Variants in ARL10 observed in about 807,000 individuals in gnomAD.
ARL10 encodes the protein ADP-ribosylation factor-like protein 10.
Under a neutral mutation model 26.1 loss-of-function variants are expected in ARL10, and 23 were observed. The ratio of observed to expected loss-of-function variants is 0.88; its 90% CI spans 0.63 to 1.25. ARL10 has a LOEUF of 1.25. Among genes scored for constraint, ARL10 ranks in the 50% most tolerant of loss-of-function variants. The pLI, the probability that ARL10 is intolerant of heterozygous loss-of-function variation, is 0.00. For missense variants in ARL10, 300 were observed against 323.6 expected, an observed-to-expected ratio of 0.93 and a Z score of 0.56; for synonymous variants, 138 against 149.1, an observed-to-expected ratio of 0.93 and a Z score of 0.54.
Position 176,365,747 on chromosome 5 carries a change from G to T in ARL10, c.183+1G>T. 8.1e-7 allele frequency: 1 copy of T among 1,235,824 alleles called. No individual in the cohort carries two copies. The highest frequency in any genetic ancestry group is 3.2e-5 in the East Asian group (1 of 31,628). 76.6% of individuals were successfully genotyped at this position (1,235,824 alleles called of 1,614,324 possible). A position where few individuals can be genotyped will look rare whatever the true frequency, so the allele number is the denominator to read the frequency against. On this transcript the variant is annotated splice_donor_variant, in intron 1 of 3. Transcript: ENST00000310389. LOFTEE classifies it high-confidence loss of function. ...CCTCCCCGAGTGGGACGAGTGGGACGTGAGTGCCGGGCCGAGGCCTGCGGA... is the reference window on the plus strand; with the variant it reads ...CCTCCCCGAGTGGGACGAGTGGGACTTGAGTGCCGGGCCGAGGCCTGCGGA...
chr5:176,371,729 G>A lies in ARL10; in HGVS notation c.569G>A (p.Ser190Asn). Reference protein sequence around the residue: ...VVVVANKQDLSEAMSMGELQR... With the variant: ...VVVVANKQDLNEAMSMGELQR... ...CTTCTGTGTCTCACCCAGGACCTGA[G>A]CGAGGCCATGAGTATGGGGGAGCTG... The change falls in exon 4 of 4, where the codon AGC (serine) becomes AAC (asparagine). Residue 190 changes from serine to asparagine, a missense_variant. Physicochemically the swap from Ser to Asn is conservative, Grantham distance 46. Transcript: ENST00000310389. 1 of 1,614,152 alleles carries A rather than the reference G, an allele frequency of 6.2e-7. No individual in the cohort carries two copies. Among genetic ancestry groups the A allele is most frequent in the Non-Finnish European group, 8.5e-7 (1 of 1,179,992 alleles).
Position 176,368,970 on chromosome 5 carries a change from G to A in ARL10, c.549G>A (p.Val183=). 1 of 1,613,994 alleles carries A rather than the reference G, an allele frequency of 6.2e-7. No individual in the cohort carries two copies. Among genetic ancestry groups the A allele is most frequent in the Non-Finnish European group, 8.5e-7 (1 of 1,180,012 alleles). Residue 183 remains valine, a synonymous_variant, in exon 3 of 4, where the codon GTG becomes GTA. Coordinates refer to ENST00000310389, the MANE Select transcript of ARL10 (RefSeq NM_173664.6). The surrounding 1 kb of genome is among the most constrained non-coding windows in gnomAD (Gnocchi z 4.1). The part of the protein sequence containing the change: ...DKDPDLPVVV[V]ANKQDLSEAM... ...ACCCTGACCTGCCTGTCGTCGTGGT[G>A]GCCAACAAGCAGGTGAGGGCTGTGA...
downstream of ARL10, chr5:176,389,710 TCTCCCCTCCA>T: frequency 2.0e-6 from 1 of 489,924 alleles, no homozygotes; most frequent in Non-Finnish European, 3.6e-6. Context: ...TTGTGCCACA[TCTCCCCTCCA>T]CTCCCCTGCT....
chr5:176,386,808 G>A (rs1324251905), downstream of ARL10: 2 of 1,594,466 alleles, frequency 1.3e-6, no homozygotes, highest in Non-Finnish European at 8.6e-7. Context: ...GTGCAGGACA[G>A]TGACCTAAAG....
rs1768393881 is a variant in ARL10, at chr5:176,368,249, G to A, written c.386-558G>A. On this transcript the variant is annotated intron_variant, in intron 2 of 3. Transcript: ENST00000310389. This position sits in a 1 kb window ranked among gnomAD's most constrained non-coding sequence, Gnocchi z 4.1. ...TCCAAGGGAAAAGAAGGGGATGGGGGAAACTGAATGGAGAATGGCTGTGTA... is the reference window on the plus strand; with the variant it reads ...TCCAAGGGAAAAGAAGGGGATGGGGAAAACTGAATGGAGAATGGCTGTGTA... 1.3e-5 allele frequency among the ~76,000 whole-genome samples: 2 copies of A among 152,182 alleles called. No individual in the cohort carries two copies. Among genetic ancestry groups the A allele is most frequent in the South Asian group, 2.1e-4 (1 of 4,836 alleles).
intron 1 of ARL10, among the ~76,000 whole-genome samples, chr5:176,400,974 C>T (rs1271067689): frequency 6.6e-6 from 1 of 152,128 alleles, no homozygotes; most frequent in Non-Finnish European, 1.5e-5. Context: ...AAGGGCAGGC[C>T]AGGGCAGGCC....
chr5:176,410,226 C>T, the ARL10 span: 4 of 1,609,200 alleles, frequency 2.5e-6, no homozygotes, highest in Non-Finnish European at 3.4e-6. Flanking sequence ...GCTGTTGGTC[C>T]TTACCACTGC....
At chr5:176,391,347 T>A (rs1440939921), downstream of ARL10, among the ~76,000 whole-genome samples, 1 of 152,224 alleles carries the variant, frequency 6.6e-6, no homozygotes, top group Non-Finnish European at 1.5e-5. Flanking sequence ...GGTGCTATGG[T>A]TCATCCCTGT....
In ARL10 at chr5:176,375,171, CCCACCCACCCAT is replaced by C. The variant is rs1429840654; in HGVS notation, c.*3284_*3295del. 1 of 62,474 alleles carries C rather than the reference CCCACCCACCCAT, an allele frequency of 1.6e-5. No homozygotes were observed. 3.9% of individuals were successfully genotyped at this position (62,474 alleles called of 1,614,324 possible). On this transcript the variant is annotated 3_prime_UTR_variant, in exon 4 of 4. Transcript: ENST00000310389. Reference sequence around the variant, plus strand: ...ACCCACCCACCCATCCATCCACCCACCCACCCACCCATCCACCCATCCATCCATCCATCCACT... The same window carrying C: ...ACCCACCCACCCATCCATCCACCCACCCACCCATCCATCCATCCATCCACT...
chr5:176,403,441 G>T (rs1173676795), downstream of ARL10, among the ~76,000 whole-genome samples: 1 of 149,026 alleles, frequency 6.7e-6, no homozygotes, highest in East Asian at 2.0e-4. Flanking sequence ...TTTGTTTTTT[G>T]GTGTTTTTTT....
intron 1 of ARL10, among the ~76,000 whole-genome samples, chr5:176,394,679 G>A (rs1756429345): frequency 6.6e-6 from 1 of 152,124 alleles, no homozygotes; most frequent in African/African-American, 2.4e-5. Flanking sequence ...GCCGGGCATG[G>A]TGGCGGGCAC....
rs1755535757 is a variant in ARL10, at chr5:176,380,767, G to GAGTCCCAGACTCCTTGGATTGAA, written c.*8873_*8874insGTCCCAGACTCCTTGGATTGAAA. On this transcript the variant is annotated 3_prime_UTR_variant, in exon 4 of 4. Coordinates refer to ENST00000310389, the MANE Select transcript of ARL10 (RefSeq NM_173664.6). ...TTACAGGTGTGAGCCATCACACCCG[G>GAGTCCCAGACTCCTTGGATTGAA]ACTTGTTTTGTTTTTTGAGATAGAG... The GAGTCCCAGACTCCTTGGATTGAA allele has an allele frequency of 6.6e-6, 1 of 151,966 alleles. No individual in the cohort carries two copies. Among genetic ancestry groups the GAGTCCCAGACTCCTTGGATTGAA allele is most frequent in the Admixed American group, 6.6e-5 (1 of 15,238 alleles). The allele number at this position is 151,966 out of a possible 1,614,324, so 9.4% of individuals were successfully genotyped here. A position where few individuals can be genotyped will look rare whatever the true frequency, so the allele number is the denominator to read the frequency against.
At chr5:176,389,644 C>T (rs1009817545), downstream of ARL10, 4 of 844,228 alleles carry the variant, frequency 4.7e-6, no homozygotes, top group African/African-American at 6.9e-5. Context: ...GTAACTGTAA[C>T]CGAAAGTTTT....
chr5:176,394,639 C>A (rs1043868036), intron 1 of ARL10, among the ~76,000 whole-genome samples: 3 of 129,350 alleles, frequency 2.3e-5, no homozygotes, highest in Non-Finnish European at 5.2e-5. Context: ...ACGGTGAAAC[C>A]CCGTCTCTAC....
At position 176,372,223 on chromosome 5, in the gene ARL10, TC is replaced by T; in HGVS notation, c.*331del. On this transcript the variant is annotated 3_prime_UTR_variant, in exon 4 of 4. Transcript: ENST00000310389. ...AGTGGGCTCAATCCTCCACTACAGG[TC>T]CCGGTACCTGAGGAACCAGTGTAGG... 2.1e-6 allele frequency: 1 copy of T among 471,948 alleles called. No individual in the cohort carries two copies. The highest frequency in any genetic ancestry group is 3.1e-6 in the Non-Finnish European group (1 of 320,342). The allele number at this position is 471,948 out of a possible 1,614,324, so 29.2% of individuals were successfully genotyped here. A position where few individuals can be genotyped will look rare whatever the true frequency, so the allele number is the denominator to read the frequency against.
At chr5:176,389,338 G>A (rs138607677), downstream of ARL10, 29 of 1,613,004 alleles carry the variant, frequency 1.8e-5, no homozygotes, top group African/African-American at 3.7e-4. Context: ...CAGGTTGCCT[G>A]GCCACGGCGG....
chr5:176,406,412 G>A (rs771657916), downstream of ARL10: 26 of 1,161,880 alleles, frequency 2.2e-5, no homozygotes, highest in East Asian at 1.4e-4. Context: ...CCAGCCAAGC[G>A]TGTGCTGCGA....
chr5:176,407,042 A>T, the ARL10 span, among the ~76,000 whole-genome samples: 1 of 152,292 alleles, frequency 6.6e-6, no homozygotes, highest in East Asian at 1.9e-4. Context: ...TATGATTTAC[A>T]AATAAACACA....
At chr5:176,394,814 TAA>T (rs78767071) in intron 1 of ARL10, among the ~76,000 whole-genome samples, 11 of 143,554 alleles carry the variant, frequency 7.7e-5, no homozygotes, top group Admixed American at 6.9e-5. Context: ...GACTCCGTCT[TAA>T]AAAAAAAAAA....
Sources: gnomAD v4.1 joint callset for allele counts (sites outside exome capture counted in the v4.1 genomes callset) on GRCh38, gnomAD v4.1.1 for gene constraint, Gnocchi (gnomAD v3.1) non-coding constraint, MANE v1.5 for transcripts, NCBI Gene and HGNC (gene_info 2026-07-23, HGNC 2026-07-21) for gene names.